RRAGB: variants seen among roughly 807,000 people sequenced by gnomAD.
RRAGB encodes the protein Ras related GTP binding B, also known as ras-related GTP-binding protein B.
Under a neutral mutation model 29.3 loss-of-function variants are expected in RRAGB, and 6 were observed. That is an observed-to-expected ratio of 0.21 (90% CI 0.11 to 0.40). The LOEUF (loss-of-function observed/expected upper bound fraction) is 0.40. Among genes scored for constraint, RRAGB ranks in the 10% least tolerant of loss-of-function variants. RRAGB has a pLI of 1.00. For synonymous variants in RRAGB, 101 were observed against 92.5 expected, an observed-to-expected ratio of 1.09 and a Z score of -0.53; for missense variants, 184 against 272.9, an observed-to-expected ratio of 0.67 and a Z score of 2.29.
chrX:55,718,522 C>T, intron 1 of RRAGB, 103 bp downstream of exon 1: 1 of 500,990 alleles, frequency 2.0e-6, no homozygotes, highest in South Asian at 4.2e-5. Context: ...TGATAAATTG[C>T]TTTGATTTAC....
chrX:55,752,125 C>A, intron 6 of RRAGB: 2 of 460,909 alleles, frequency 4.3e-6, no homozygotes, highest in Non-Finnish European at 5.4e-6. Flanking sequence ...TCATTTTCCC[C>A]AATATTATGT....
chrX:55,725,959 A>ATAATAGGG (rs1258416928), intron 3 of RRAGB, among the ~76,000 whole-genome samples: 7 of 110,686 alleles, frequency 6.3e-5, no homozygotes, highest in African/African-American at 2.3e-4. Context: ...TGTTCTTGTG[A>ATAATAGGG]TAATAGGGTA....
At chrX:55,748,137 C>T (rs748187477) in intron 5 of RRAGB, among the ~76,000 whole-genome samples, 4 of 112,758 alleles carry the variant, frequency 3.5e-5, no homozygotes, top group African/African-American at 6.4e-5. Context: ...CCGGAGGTGC[C>T]GGGATTGCAG....
chrX:55,752,729 T>A (rs1358432340), intron 6 of RRAGB, among the ~76,000 whole-genome samples: 2 of 111,342 alleles, frequency 1.8e-5, no homozygotes, highest in African/African-American at 6.5e-5. Context: ...CCTACAAGAA[T>A]AGAGGGAGAG....
chrX:55,741,124 C>T (rs1014189010), intron 5 of RRAGB, among the ~76,000 whole-genome samples: 2 of 106,708 alleles, frequency 1.9e-5, no homozygotes, highest in African/African-American at 3.4e-5. Flanking sequence ...GAATGGTCGA[C>T]GTTGATTTCT....
intron 5 of RRAGB, among the ~76,000 whole-genome samples, chrX:55,749,075 C>T (rs1310027973): frequency 9.0e-5 from 9 of 99,912 alleles, no homozygotes; most frequent in African/African-American, 2.2e-4. Context: ...GTCAGCCCCC[C>T]GCCCGGCCAG....
intron 8 of RRAGB, among the ~76,000 whole-genome samples, chrX:55,756,673 A>G (rs974619998): frequency 8.9e-6 from 1 of 112,874 alleles, no homozygotes; most frequent in South Asian, 3.6e-4. Flanking sequence ...CTGAAAAGTT[A>G]TATTAATCTC....
chrX:55,727,538 C>G (rs765661960), intron 3 of RRAGB: 27 of 372,476 alleles, frequency 7.2e-5, no homozygotes, highest in Non-Finnish European at 1.0e-4. Context: ...GCCCCGCCCC[C>G]CCGCTTTCTT....
intron 6 of RRAGB, 117 bp downstream of exon 6, chrX:55,751,313 A>C: frequency 2.4e-6 from 1 of 418,644 alleles, no homozygotes; most frequent in South Asian, 5.3e-5. Flanking sequence ...TGTTGTACTA[A>C]AAAGAAAAAT....
At chrX:55,736,663 C>T in intron 5 of RRAGB, among the ~76,000 whole-genome samples, 1 of 111,595 alleles carries the variant, frequency 9.0e-6, no homozygotes, top group East Asian at 2.8e-4. Flanking sequence ...ATGTTTTTCT[C>T]CCCTTGAGTA....
At chrX:55,727,428 A>G (rs757723728) in intron 3 of RRAGB, 2 of 610,005 alleles carry the variant, frequency 3.3e-6, no homozygotes, top group Non-Finnish European at 5.6e-6. Context: ...GGGGAAGTAA[A>G]GGGGAGAAGG....
chrX:55,749,730 C>T (rs1426479581), intron 5 of RRAGB, among the ~76,000 whole-genome samples: 1 of 110,844 alleles, frequency 9.0e-6, no homozygotes, highest in East Asian at 2.9e-4. Flanking sequence ...GATCTGTGAC[C>T]TTACCCCCAA....
At chrX:55,734,886 T>G (rs956208584) in intron 5 of RRAGB, among the ~76,000 whole-genome samples, 10 of 112,590 alleles carry the variant, frequency 8.9e-5, no homozygotes, top group Non-Finnish European at 1.9e-5. Context: ...GACCCAAAGA[T>G]CATTGAAGAA....
At chrX:55,724,458 C>T (rs1293024531) in intron 3 of RRAGB, among the ~76,000 whole-genome samples, 1 of 111,541 alleles carries the variant, frequency 9.0e-6, no homozygotes, top group Non-Finnish European at 1.9e-5. Context: ...TTCCTAACTC[C>T]ATGGAGTTTG....
In RRAGB at chrX:55,750,049, A is replaced by T. The variant is rs1977456; in HGVS notation, c.517-1052A>T. ...GAGAAACACCCAAGAATGATCAATT[A>T]AAAAAAAAAAAAAAAAAAAAAAAAA... On this transcript the variant is annotated intron_variant, in intron 5 of 9. Transcript: ENST00000374941. Among the ~76,000 whole-genome samples, 4 of 38,860 alleles carry T rather than the reference A, an allele frequency of 1.0e-4. No homozygotes were observed. The Admixed American group carries it at 1.3e-3, about 12-fold the overall frequency. The allele number at this position is 38,860 out of a possible 115,157, so 33.7% of individuals were successfully genotyped here. A position where few individuals can be genotyped will look rare whatever the true frequency, so the allele number is the denominator to read the frequency against.
intron 5 of RRAGB, among the ~76,000 whole-genome samples, chrX:55,738,631 CCTT>C (rs1329638306): frequency 8.9e-6 from 1 of 112,256 alleles, no homozygotes; most frequent in Non-Finnish European, 1.9e-5. Context: ...GAAGTTTTCT[CCTT>C]CTCAAGTGGT....
chrX:55,738,819 A>G (rs2033954089), intron 5 of RRAGB, among the ~76,000 whole-genome samples: 1 of 111,709 alleles, frequency 9.0e-6, no homozygotes, highest in African/African-American at 3.3e-5. Context: ...GGAACTCCCA[A>G]AAGTCCCTGT....
At chrX:55,734,028 G>C (rs2033781534) in intron 5 of RRAGB, among the ~76,000 whole-genome samples, 1 of 108,432 alleles carries the variant, frequency 9.2e-6, no homozygotes. Context: ...CAGTGGCGTG[G>C]TCTCGTCTCA....
chrX:55,727,363 G>C, intron 3 of RRAGB: 1 of 892,842 alleles, frequency 1.1e-6, no homozygotes. Context: ...CTACTCTCTC[G>C]TAGACTCTGT....
Sources: allele counts gnomAD v4.1 joint callset (sites outside exome capture counted in the v4.1 genomes callset), GRCh38; gene constraint gnomAD v4.1.1; transcripts MANE v1.5; gene names NCBI Gene and HGNC (gene_info 2026-07-23, HGNC 2026-07-21).